ZNF560: variants seen among roughly 807,000 people sequenced by gnomAD.
ZNF560 encodes zinc finger protein 560.
ZNF560 carries 54 observed loss-of-function variants against 81.8 expected under a neutral mutation model. The observed-to-expected ratio is 0.66, with a 90% confidence interval of 0.53 to 0.83. The LOEUF is 0.83. Among genes scored for constraint, ZNF560 ranks in the 40% least tolerant of loss-of-function variants. The pLI is 0.00. For missense variants in ZNF560, 940 were observed against 932.4 expected (o/e 1.01, Z -0.11); for synonymous variants, 321 against 317.9 (o/e 1.01, Z -0.10).
chr19:9,501,718 C>G (rs1056091358), upstream of ZNF560, among the ~76,000 whole-genome samples: 5 of 151,718 alleles, frequency 3.3e-5, no homozygotes, highest in African/African-American at 1.2e-4. Flanking sequence ...AGGCTGGCCT[C>G]CAACTCCTAA....
At chr19:9,469,567 A>C (rs1390322403) in intron 8 of ZNF560, 63 bp downstream of exon 8, 1 of 1,474,598 alleles carries the variant, frequency 6.8e-7, no homozygotes, top group Admixed American at 1.7e-5. Flanking sequence ...ATAAAACTTC[A>C]TTGTGCTTCC....
chr19:9,473,156 G>A, intron 5 of ZNF560, 23 bp downstream of exon 5: 1 of 1,601,780 alleles, frequency 6.2e-7, no homozygotes, highest in South Asian at 1.1e-5. Context: ...CACTGACCAA[G>A]GTTGTTCTTC....
chr19:9,479,293 G>A (rs1338730676), intron 2 of ZNF560, among the ~76,000 whole-genome samples: 1 of 151,592 alleles, frequency 6.6e-6, no homozygotes, highest in Non-Finnish European at 1.5e-5. Flanking sequence ...AAGACAGAAT[G>A]GCCAAGTGGA....
At chr19:9,478,045 C>T (rs2073229744) in intron 2 of ZNF560, among the ~76,000 whole-genome samples, 1 of 152,098 alleles carries the variant, frequency 6.6e-6, no homozygotes. Flanking sequence ...GAAGGGCAAA[C>T]ATCTCCAATC....
At chr19:9,484,829 A>G (rs2073359435) in intron 2 of ZNF560, among the ~76,000 whole-genome samples, 1 of 150,656 alleles carries the variant, frequency 6.6e-6, no homozygotes, top group African/African-American at 2.5e-5. Flanking sequence ...TAAGCCTTTA[A>G]AAAATAAAAA....
the ZNF560 span, among the ~76,000 whole-genome samples, chr19:9,449,474 C>T: frequency 0.53 from 79,649 of 151,450 alleles, 21,200 homozygotes; most frequent in Non-Finnish European, 0.55. Flanking sequence ...AACAAGATAC[C>T]AAAATCTCTG....
At chr19:9,454,606 G>C in the ZNF560 span, among the ~76,000 whole-genome samples, 1 of 152,210 alleles carries the variant, frequency 6.6e-6, no homozygotes, top group Non-Finnish European at 1.5e-5. Context: ...CCTCAGAAAA[G>C]GAGGAGTGAA....
At chr19:9,470,967 A>C (rs371427728) in intron 6 of ZNF560, among the ~76,000 whole-genome samples, 2 of 152,354 alleles carry the variant, frequency 1.3e-5, no homozygotes, top group African/African-American at 4.8e-5. Flanking sequence ...GATAATTTCC[A>C]GGGTAATTCC....
At chr19:9,490,326 A>G (rs2073451343) in intron 2 of ZNF560, among the ~76,000 whole-genome samples, 2 of 152,230 alleles carry the variant, frequency 1.3e-5, no homozygotes, top group Admixed American at 1.3e-4. Context: ...GGGGATGATG[A>G]GAACCTTGAG....
At chr19:9,470,031 G>A in intron 7 of ZNF560, 1 of 431,800 alleles carries the variant, frequency 2.3e-6, no homozygotes, top group South Asian at 4.3e-5. Flanking sequence ...AGCTCAAAGA[G>A]AGATCTTGAT....
rs1289467313 is a variant in ZNF560 at position 9,490,058 on chromosome 19, AG to A, written c.-57+8069del. On this transcript the variant is annotated intron_variant, in intron 2 of 9. Transcript: ENST00000301480. ...ACCTAGTTAACAGAGTTAATATGTA[AG>A]AGCTTCCCTGGCTAATGTAAAGGAG... is the stretch of plus-strand genomic sequence containing the variant. Among the ~76,000 whole-genome samples, 10 of 152,348 alleles carry A rather than the reference AG, an allele frequency of 6.6e-5. No homozygotes were observed. In the East Asian group the frequency reaches 9.6e-4, roughly 15 times the overall value.
intron 2 of ZNF560, among the ~76,000 whole-genome samples, chr19:9,482,453 A>AGAAGGAAG (rs550271982): frequency 1.3e-4 from 20 of 148,622 alleles, no homozygotes; most frequent in African/African-American, 4.2e-4. Context: ...GGGAAGGGGG[A>AGAAGGAAG]GAAGGAAGGA....
chr19:9,497,601 C>G (rs1389417777), intron 2 of ZNF560, among the ~76,000 whole-genome samples: 1 of 150,418 alleles, frequency 6.6e-6, no homozygotes, highest in Non-Finnish European at 1.5e-5. Flanking sequence ...GACTCTCAAA[C>G]TGTTCACCAT....
At chr19:9,465,074 C>T (rs1219674044), downstream of ZNF560, among the ~76,000 whole-genome samples, 1 of 151,302 alleles carries the variant, frequency 6.6e-6, no homozygotes. Context: ...AAACATCTTA[C>T]ATAAAAAGGG....
intron 2 of ZNF560, among the ~76,000 whole-genome samples, chr19:9,492,124 G>C (rs1340828836): frequency 8.6e-5 from 13 of 151,968 alleles, no homozygotes; most frequent in Non-Finnish European, 1.6e-4. Context: ...AGGACTACAG[G>C]CATGTATCAT....
At chr19:9,475,460 T>C in intron 2 of ZNF560, 91 bp from the exon 3 acceptor site, 1 of 684,632 alleles carries the variant, frequency 1.5e-6, no homozygotes. Flanking sequence ...TTCGAAATTC[T>C]CTTATAATTC....
chr19:9,483,582 G>A (rs1250545156), intron 2 of ZNF560, among the ~76,000 whole-genome samples: 2 of 147,436 alleles, frequency 1.4e-5, no homozygotes, highest in East Asian at 2.1e-4. Flanking sequence ...GGAGGGGGGT[G>A]GGGGGTCAGC....
chr19:9,500,112 G>A (rs891143454), upstream of ZNF560, among the ~76,000 whole-genome samples: 8 of 152,084 alleles, frequency 5.3e-5, no homozygotes, highest in East Asian at 1.4e-3. Flanking sequence ...GGCTGGGCAC[G>A]GTGGCTCACT....
downstream of ZNF560, among the ~76,000 whole-genome samples, chr19:9,462,099 G>A (rs1419852793): frequency 6.6e-6 from 1 of 152,084 alleles, no homozygotes; most frequent in Non-Finnish European, 1.5e-5. Flanking sequence ...TTATTGCCCT[G>A]GTAAAACAAA....
Sources: gnomAD v4.1 joint callset for allele counts (sites outside exome capture counted in the v4.1 genomes callset) on GRCh38, gnomAD v4.1.1 for gene constraint, MANE v1.5 for transcripts, NCBI Gene and HGNC (gene_info 2026-07-23, HGNC 2026-07-21) for gene names.